Variants in MARCHF1 observed in about 807,000 individuals in gnomAD.
MARCHF1 encodes membrane associated ring-CH-type finger 1, also known as E3 ubiquitin-protein ligase MARCHF1.
In MARCHF1, 40 loss-of-function variants were observed where a neutral mutation model predicts 54.2. That is an observed-to-expected ratio of 0.74 (90% confidence interval 0.57 to 0.96). The LOEUF (loss-of-function observed/expected upper bound fraction) is 0.96. Ranked by LOEUF, MARCHF1 falls within the 40% of genes least tolerant of loss-of-function variation. MARCHF1 has a pLI of 0.00. For missense variants in MARCHF1, 586 were observed against 656.5 expected, an observed-to-expected ratio of 0.89 and a Z score of 1.17; for synonymous variants, 236 against 236.3, an observed-to-expected ratio of 1.00 and a Z score of 0.01.
intron 2 of MARCHF1, among the ~76,000 whole-genome samples, chr4:164,087,810 T>G (rs954618707): frequency 8.0e-5 from 12 of 149,420 alleles, no homozygotes; most frequent in Non-Finnish European, 1.3e-4. Flanking sequence ...TTTCTGTGTT[T>G]TTTTTTTTTC....
chr4:163,642,034 A>T (rs894688469), intron 5 of MARCHF1, among the ~76,000 whole-genome samples: 1 of 152,192 alleles, frequency 6.6e-6, no homozygotes, highest in African/African-American at 2.4e-5. Context: ...ATGCTGCCTC[A>T]TTCTTCAGTG....
intron 1 of MARCHF1, among the ~76,000 whole-genome samples, chr4:164,375,467 C>T (rs1731157917): frequency 6.6e-6 from 1 of 152,044 alleles, no homozygotes. Flanking sequence ...ATAGTTCATT[C>T]TCCTTTCTTT....
chr4:163,842,821 T>C (rs1056345235), intron 4 of MARCHF1, among the ~76,000 whole-genome samples: 10 of 152,206 alleles, frequency 6.6e-5, no homozygotes, highest in African/African-American at 2.2e-4. Context: ...CTCTTCACTG[T>C]TTACTGGGAA....
At chr4:164,306,574 C>T (rs1364654150) in intron 1 of MARCHF1, among the ~76,000 whole-genome samples, 1 of 152,122 alleles carries the variant, frequency 6.6e-6, no homozygotes, top group Non-Finnish European at 1.5e-5. Context: ...CTTAGGCCCT[C>T]CCCTGAAATT....
chr4:164,374,307 GTTA>G lies in MARCHF1; in HGVS notation c.-323+9560_-323+9562del, dbSNP rs370560932. Among the ~76,000 whole-genome samples the G allele has an allele frequency of 3.9e-3, 594 of 152,002 alleles. 4 individuals carry two copies. Among genetic ancestry groups the G allele is most frequent in the African/African-American group, 0.012 (517 of 41,482 alleles). ...AATCCAATAATTATTAATTTAAATT[GTTA>G]TTATGATAATAATTCAGTCTTATTA... On this transcript the variant is annotated intron_variant, in intron 1 of 9. Coordinates refer to ENST00000514618, the MANE Select transcript of MARCHF1 (RefSeq NM_001394959.1).
chr4:164,078,366 C>T (rs957355903), intron 2 of MARCHF1, among the ~76,000 whole-genome samples: 2 of 151,910 alleles, frequency 1.3e-5, no homozygotes, highest in Non-Finnish European at 2.9e-5. Flanking sequence ...TATCACACAC[C>T]GGGGTCTGCA....
At chr4:163,604,904 C>T (rs1018763133) in intron 7 of MARCHF1, among the ~76,000 whole-genome samples, 5 of 152,028 alleles carry the variant, frequency 3.3e-5, no homozygotes, top group Non-Finnish European at 7.4e-5. Flanking sequence ...CAGGGAAATG[C>T]TCTACTAGAT....
At chr4:163,778,798 G>T (rs924206884) in intron 4 of MARCHF1, among the ~76,000 whole-genome samples, 1 of 152,056 alleles carries the variant, frequency 6.6e-6, no homozygotes, top group East Asian at 1.9e-4. Context: ...GCTAAACAAT[G>T]TGTACACGTG....
chr4:164,236,671 A>G (rs1732572645), intron 1 of MARCHF1, among the ~76,000 whole-genome samples: 1 of 152,130 alleles, frequency 6.6e-6, no homozygotes, highest in Non-Finnish European at 1.5e-5. Context: ...TCTGCAAATG[A>G]CCACACAAGT....
chr4:163,956,017 G>A (rs1281947495), intron 3 of MARCHF1, among the ~76,000 whole-genome samples: 1 of 151,800 alleles, frequency 6.6e-6, no homozygotes, highest in Non-Finnish European at 1.5e-5. Context: ...AAAAATTGGT[G>A]GAATCCAAGA....
At chr4:163,800,727 G>A (rs1748059003) in intron 4 of MARCHF1, among the ~76,000 whole-genome samples, 1 of 152,048 alleles carries the variant, frequency 6.6e-6, no homozygotes, top group South Asian at 2.1e-4. Context: ...TTTTCAAACT[G>A]ATTGTTCAAA....
At chr4:163,841,003 C>T (rs1749322848) in intron 4 of MARCHF1, among the ~76,000 whole-genome samples, 1 of 151,996 alleles carries the variant, frequency 6.6e-6, no homozygotes, top group East Asian at 1.9e-4. Flanking sequence ...ACTGCATTTA[C>T]CTTTGTATAG....
chr4:164,368,526 T>C (rs930862709), intron 1 of MARCHF1, among the ~76,000 whole-genome samples: 4 of 152,106 alleles, frequency 2.6e-5, no homozygotes, highest in African/African-American at 9.7e-5. Context: ...TATAACCTTA[T>C]TATCAAAGCT....
At chr4:164,200,955 G>A (rs1177700320) in intron 1 of MARCHF1, among the ~76,000 whole-genome samples, 1 of 152,098 alleles carries the variant, frequency 6.6e-6, no homozygotes, top group Non-Finnish European at 1.5e-5. Context: ...CCACGAGGTG[G>A]AAACAGACTA....
intron 5 of MARCHF1, among the ~76,000 whole-genome samples, chr4:163,695,645 G>T (rs1744604452): frequency 6.6e-6 from 1 of 152,122 alleles, no homozygotes; most frequent in South Asian, 2.1e-4. Context: ...AAACAGATTA[G>T]ATTTTGTGAG....
rs78696787 is a variant in MARCHF1, at chr4:163,963,226, C to T, written c.-39+25275G>A. 7.0e-3 allele frequency among the ~76,000 whole-genome samples: 1,059 copies of T among 151,984 alleles called. 15 individuals are homozygous for T. The highest frequency in any genetic ancestry group is 0.034 in the East Asian group (177 of 5,158). ...TGACACAGCCTAAGGCATTAGTGTA[C>T]TTTGACTGTAGAGATCAAATTAACA... On this transcript the variant is annotated intron_variant, in intron 3 of 9. Coordinates refer to ENST00000514618, the MANE Select transcript of MARCHF1 (RefSeq NM_001394959.1).
intron 7 of MARCHF1, among the ~76,000 whole-genome samples, chr4:163,606,328 G>C (rs1489203955): frequency 6.6e-6 from 1 of 152,062 alleles, no homozygotes; most frequent in African/African-American, 2.4e-5. Flanking sequence ...TGTCCCAAAA[G>C]GTCTGTTTGA....
At chr4:163,775,452 T>G (rs527934458) in intron 4 of MARCHF1, among the ~76,000 whole-genome samples, 1 of 152,148 alleles carries the variant, frequency 6.6e-6, no homozygotes, top group South Asian at 2.1e-4. Flanking sequence ...AAGCCTATCA[T>G]GTAGTAGTTA....
At chr4:164,197,234 C>A (rs1218328503) in intron 1 of MARCHF1, 5 of 1,610,532 alleles carry the variant, frequency 3.1e-6, no homozygotes, top group Non-Finnish European at 4.2e-6. Context: ...AGGCCCTCCA[C>A]GTGGTCCTCA....
Sources: allele counts gnomAD v4.1 joint callset (sites outside exome capture counted in the v4.1 genomes callset), GRCh38; gene constraint gnomAD v4.1.1; transcripts MANE v1.5; gene names NCBI Gene and HGNC (gene_info 2026-07-23, HGNC 2026-07-21).